The following OR11A1 variants were observed in gnomAD, a reference collection of about 807,000 sequenced individuals.
OR11A1 encodes the protein olfactory receptor 11A1.
For synonymous variants in OR11A1, 158 were observed against 152.2 expected, an observed-to-expected ratio of 1.04 and a Z score of -0.28; for missense variants, 380 against 378.2, an observed-to-expected ratio of 1.00 and a Z score of -0.04.
At position 29,427,694 on chromosome 6, in the gene OR11A1, GTC is replaced by G. The variant is rs1782944124; in HGVS notation, c.-55_-54del. On this transcript the variant is annotated 5_prime_UTR_variant, in exon 5 of 5. It introduces an in-frame stop codon into an upstream open reading frame of the 5' UTR. Transcript: ENST00000377149. ...ATAATTGGGGGAGAAATTTTAGCATGTCTCTGCATCTTCTATACCAAGCCTAA... is the reference window on the plus strand; with the variant it reads ...ATAATTGGGGGAGAAATTTTAGCATGTCTGCATCTTCTATACCAAGCCTAA... 1 of 1,558,676 alleles carries G rather than the reference GTC, an allele frequency of 6.4e-7. No individual in the cohort carries two copies. Among genetic ancestry groups the G allele is most frequent in the East Asian group, 2.3e-5 (1 of 44,000 alleles).
chr6:29,431,173 AG>A (rs1263322879), intron 2 of OR11A1, among the ~76,000 whole-genome samples: 2 of 152,196 alleles, frequency 1.3e-5, no homozygotes, highest in Non-Finnish European at 2.9e-5. Context: ...AGCAATTCAA[AG>A]AATATTCCAG....
At chr6:29,437,574 C>T (rs1400183844) in intron 1 of OR11A1, among the ~76,000 whole-genome samples, 2 of 143,492 alleles carry the variant, frequency 1.4e-5, no homozygotes, top group African/African-American at 2.9e-5. Context: ...GGCTTTTGGT[C>T]TTCTTCAATC....
At chr6:29,433,053 AT>A (rs1561779452) in intron 1 of OR11A1, among the ~76,000 whole-genome samples, 1 of 152,156 alleles carries the variant, frequency 6.6e-6, no homozygotes, top group East Asian at 1.9e-4. Flanking sequence ...CATTATTATG[AT>A]TTTTAATTGA....
In OR11A1 at chr6:29,453,919, T is replaced by C. The variant is rs189189481; in HGVS notation, c.-389+3068A>G. The stretch of plus-strand genomic sequence containing the variant: ...CCAAAACCTTCACCCAATCATTGAC[T>C]GAACACTAAGCTGTGCAAGAACAAG... On this transcript the variant is annotated intron_variant, in intron 1 of 4. Coordinates refer to ENST00000377149, the MANE Select transcript of OR11A1 (RefSeq NM_001394828.1). This position sits in a 1 kb window ranked among gnomAD's most constrained non-coding sequence, Gnocchi z 4.5. Among the ~76,000 whole-genome samples, 8 of 152,252 alleles carry C rather than the reference T, an allele frequency of 5.3e-5. No individual in the cohort carries two copies. In the East Asian group the frequency reaches 1.5e-3, roughly 29 times the overall value.
Position 29,427,337 on chromosome 6 carries a change from A to G in OR11A1, c.305T>C (p.Phe102Ser). Residue 102 changes from phenylalanine to serine, a missense_variant, in exon 5 of 5, where the codon TTC becomes TCC. Transcript: ENST00000377149. ...TGTGGCTAGAGAGCCGAAGATAAAG[A>G]ACTGGAGCAAGCAACCAGCCACAGA... Reference protein sequence around the residue: ...TISVAGCLLQFFIFGSLATAE... With the variant: ...TISVAGCLLQSFIFGSLATAE... 2 of 1,613,128 alleles carry G rather than the reference A, an allele frequency of 1.2e-6. No homozygotes were observed. The highest frequency in any genetic ancestry group is 1.7e-6 in the Non-Finnish European group (2 of 1,180,046).
chr6:29,427,703 T>C lies in OR11A1; in HGVS notation c.-62A>G. On this transcript the variant is annotated 5_prime_UTR_variant, in exon 5 of 5. The change abolishes an upstream ATG in the 5' untranslated region. Coordinates refer to ENST00000377149, the MANE Select transcript of OR11A1 (RefSeq NM_001394828.1). ...GGAGAAATTTTAGCATGTCTCTGCA[T>C]CTTCTATACCAAGCCTAACGTTATT... 1 of 1,544,262 alleles carries C rather than the reference T, an allele frequency of 6.5e-7. No homozygotes were observed.
intron 1 of OR11A1, among the ~76,000 whole-genome samples, chr6:29,443,030 CTCTCAGAGGGATCATTTT>C (rs752710331): frequency 5.7e-4 from 87 of 152,190 alleles, no homozygotes; most frequent in Middle Eastern, 3.2e-3. Flanking sequence ...CATTATGAAA[CTCTCAGAGGGATCATTTT>C]TCTCATATCT....
At chr6:29,431,764 G>T in intron 2 of OR11A1, 100 bp downstream of exon 2, 2 of 577,068 alleles carry the variant, frequency 3.5e-6, no homozygotes, top group Non-Finnish European at 4.4e-6. Context: ...ATTGAAAGTT[G>T]CTAGTGATTA....
chr6:29,435,717 C>T (rs1420851654), intron 1 of OR11A1, among the ~76,000 whole-genome samples: 1 of 152,154 alleles, frequency 6.6e-6, no homozygotes, highest in East Asian at 1.9e-4. Context: ...CAAATTATAG[C>T]TCTTTGTGGT....
chr6:29,428,943 G>T lies in OR11A1; in HGVS notation c.-122C>A. The T allele has an allele frequency of 1.0e-6, 1 of 974,420 alleles. No individual in the cohort carries two copies. Among genetic ancestry groups the T allele is most frequent in the Non-Finnish European group, 1.2e-6 (1 of 820,360 alleles). 60.4% of individuals were successfully genotyped at this position (974,420 alleles called of 1,614,324 possible). On this transcript the variant is annotated 5_prime_UTR_variant, in exon 4 of 5. Coordinates refer to ENST00000377149, the MANE Select transcript of OR11A1 (RefSeq NM_001394828.1). ...GGAAGGTTTTCATATGCTATTCAAA[G>T]CAATATGTGTTTATTAACTGAAGAC...
intron 1 of OR11A1, among the ~76,000 whole-genome samples, chr6:29,451,421 C>T (rs1689791662): frequency 6.6e-6 from 1 of 152,048 alleles, no homozygotes; most frequent in African/African-American, 2.4e-5. Flanking sequence ...AAACAGCCTA[C>T]AGTATGGGAG....
Position 29,426,379 on chromosome 6 carries a change from G to C in OR11A1, c.*315C>G, listed in dbSNP as rs1782797980. 3.5e-6 allele frequency: 1 copy of C among 281,882 alleles called. No individual in the cohort carries two copies. The highest frequency in any genetic ancestry group is 2.2e-5 in the African/African-American group (1 of 46,204). The allele number at this position is 281,882 out of a possible 1,614,324, so 17.5% of individuals were successfully genotyped here. ...AACAACACACTGAATCCTACTTGAG[G>C]GTGGAGGTTGGGAGGAGGGAGAAGA... On this transcript the variant is annotated 3_prime_UTR_variant, in exon 5 of 5. Coordinates refer to ENST00000377149, the MANE Select transcript of OR11A1 (RefSeq NM_001394828.1).
intron 1 of OR11A1, among the ~76,000 whole-genome samples, chr6:29,451,442 C>G (rs1338574840): frequency 6.6e-6 from 1 of 152,044 alleles, no homozygotes; most frequent in Non-Finnish European, 1.5e-5. Flanking sequence ...AAAATGTTTG[C>G]AAACTATGCA....
intron 1 of OR11A1, among the ~76,000 whole-genome samples, chr6:29,455,269 G>A (rs1785948962): frequency 6.6e-6 from 1 of 151,988 alleles, no homozygotes; most frequent in South Asian, 2.1e-4. Flanking sequence ...ATTTGACAAA[G>A]GACTTTTATG....
intron 1 of OR11A1, among the ~76,000 whole-genome samples, chr6:29,443,875 T>G (rs921252783): frequency 6.6e-6 from 1 of 152,132 alleles, no homozygotes; most frequent in African/African-American, 2.4e-5. Context: ...TCTACCTTTT[T>G]CTTTGTCCAG....
chr6:29,430,276 C>T lies in OR11A1; in HGVS notation c.-140+25G>A, dbSNP rs187659227. ...CAGGTTCTGTTATTGCCCTCCAACT[C>T]CCGTCTCTAAAGCTATTCTCTTACC... On this transcript the variant is annotated intron_variant, in intron 3 of 4. Coordinates refer to ENST00000377149, the MANE Select transcript of OR11A1 (RefSeq NM_001394828.1). 150 of 985,400 alleles carry T rather than the reference C, an allele frequency of 1.5e-4. No individual in the cohort carries two copies. The African/African-American group carries it at 2.4e-3, about 16-fold the overall frequency. 61.0% of individuals were successfully genotyped at this position (985,400 alleles called of 1,614,324 possible).
chr6:29,449,019 AAAT>A (rs1449994210), intron 1 of OR11A1, among the ~76,000 whole-genome samples: 2 of 152,224 alleles, frequency 1.3e-5, no homozygotes, highest in Non-Finnish European at 2.9e-5. Flanking sequence ...AAGAAAGTAG[AAAT>A]ATCAGTGGTT....
chr6:29,426,998 A>C lies in OR11A1; in HGVS notation c.644T>G (p.Ile215Ser). 1.2e-6 allele frequency: 2 copies of C among 1,612,918 alleles called. No homozygotes were observed. The highest frequency in any genetic ancestry group is 1.7e-6 in the Non-Finnish European group (2 of 1,180,044). The stretch of plus-strand genomic sequence containing the variant: ...CACAATTCTGGCATAAGATGTCAGA[A>C]TCAGTCCAAAAGGAATAGTGAGGCA... The part of the protein sequence containing the change: ...VFCLTIPFGL[I>S]LTSYARIVVA... The change falls in exon 5 of 5, where the codon ATT becomes AGT. Residue 215 changes from isoleucine (I) to serine (S), a missense_variant. Ile to Ser is a moderately radical substitution (Grantham distance 142, BLOSUM62 -2). Transcript: ENST00000377149.
intron 1 of OR11A1, among the ~76,000 whole-genome samples, chr6:29,436,368 T>C (rs991814879): frequency 2.0e-5 from 3 of 152,194 alleles, no homozygotes; most frequent in Non-Finnish European, 4.4e-5. Context: ...CCCATGCTCC[T>C]GAGCACAAAA....
Sources: gnomAD v4.1 joint callset for allele counts (sites outside exome capture counted in the v4.1 genomes callset) on GRCh38, gnomAD v4.1.1 for gene constraint, Gnocchi (gnomAD v3.1) non-coding constraint, MANE v1.5 for transcripts, NCBI Gene and HGNC (gene_info 2026-07-23, HGNC 2026-07-21) for gene names.